The following ERBB4 variants were observed in gnomAD, a reference collection of about 807,000 sequenced individuals.
The protein encoded by ERBB4 is erb-b2 receptor tyrosine kinase 4.
Under a neutral mutation model 158.0 loss-of-function variants are expected in ERBB4, and 42 were observed. That is an observed-to-expected ratio of 0.27 (90% CI 0.21 to 0.34). The LOEUF (loss-of-function observed/expected upper bound fraction) is 0.34, where lower values mean the gene tolerates loss of function less well. Among genes scored for constraint, ERBB4 ranks in the 10% least tolerant of loss-of-function variants. The pLI, the probability that ERBB4 is intolerant of heterozygous loss-of-function variation, is 1.00. For synonymous variants in ERBB4, 583 were observed against 558.7 expected (o/e 1.04, Z -0.61); for missense variants, 1,333 against 1,624.1 (o/e 0.82, Z 3.08).
intron 3 of ERBB4, among the ~76,000 whole-genome samples, chr2:211,914,013 T>G (rs1346312198): frequency 6.8e-6 from 1 of 146,128 alleles, no homozygotes; most frequent in Non-Finnish European, 1.5e-5. Flanking sequence ...AGAAATAGAA[T>G]TTGAGAGCTG....
chr2:211,906,907 T>G (rs1457469665), intron 3 of ERBB4, among the ~76,000 whole-genome samples: 1 of 151,718 alleles, frequency 6.6e-6, no homozygotes, highest in Non-Finnish European at 1.5e-5. Context: ...TTAGCTTCTC[T>G]TGAAGTTTGG....
At chr2:211,444,075 T>C (rs955482977) in intron 20 of ERBB4, among the ~76,000 whole-genome samples, 3 of 152,094 alleles carry the variant, frequency 2.0e-5, no homozygotes, top group African/African-American at 7.2e-5. Context: ...TGGTTTAATT[T>C]CAGCACCCTT....
intron 25 of ERBB4, among the ~76,000 whole-genome samples, chr2:211,407,233 T>C (rs1054961142): frequency 6.6e-6 from 1 of 152,180 alleles, no homozygotes; most frequent in African/African-American, 2.4e-5. Flanking sequence ...TTTAATACAC[T>C]TATATGTAAT....
intron 20 of ERBB4, among the ~76,000 whole-genome samples, chr2:211,482,361 G>A (rs1381978879): frequency 6.6e-6 from 1 of 152,198 alleles, no homozygotes; most frequent in Non-Finnish European, 1.5e-5. Context: ...GAAGGGTCAT[G>A]CCTCAGTATT....
At chr2:212,273,070 G>A (rs1385536652) in intron 1 of ERBB4, among the ~76,000 whole-genome samples, 2 of 151,568 alleles carry the variant, frequency 1.3e-5, no homozygotes, top group African/African-American at 4.8e-5. Flanking sequence ...CCACTATTAC[G>A]ACTTTGAGTA....
At chr2:212,237,158 A>C (rs2139971) in intron 1 of ERBB4, among the ~76,000 whole-genome samples, 76,681 of 151,970 alleles carry the variant, frequency 0.5, 19,782 homozygotes, top group East Asian at 0.76. Flanking sequence ...AAGAAATATT[A>C]TCACTTTTGG....
intron 1 of ERBB4, among the ~76,000 whole-genome samples, chr2:212,158,957 C>G (rs780562277): frequency 2.0e-5 from 3 of 151,958 alleles, no homozygotes; most frequent in Non-Finnish European, 4.4e-5. Context: ...GACTATATCA[C>G]TATTTGATCA....
At chr2:211,589,204 A>G (rs530834535) in intron 19 of ERBB4, among the ~76,000 whole-genome samples, 58 of 152,206 alleles carry the variant, frequency 3.8e-4, no homozygotes, top group African/African-American at 1.3e-3. Context: ...CAAAATGTTC[A>G]TTTTTTTAGA....
chr2:211,377,822 A>C lies in ERBB4; in HGVS notation c.*5793T>G, dbSNP rs1298808300. 8.6e-6 allele frequency: 2 copies of C among 232,630 alleles called. No individual in the cohort carries two copies. Among genetic ancestry groups the C allele is most frequent in the Non-Finnish European group, 1.7e-5 (2 of 117,600 alleles). The allele number at this position is 232,630 out of a possible 1,614,324, so 14.4% of individuals were successfully genotyped here. A position where few individuals can be genotyped will look rare whatever the true frequency, so the allele number is the denominator to read the frequency against. The stretch of plus-strand genomic sequence containing the variant: ...ATATGTGAGTTTCAAGATTCATCAC[A>C]GGGCTAACTCGTCTCAAATTCCTAT... On this transcript the variant is annotated 3_prime_UTR_variant, in exon 28 of 28. Transcript: ENST00000342788.
In ERBB4 at chr2:211,420,374, C is replaced by G. The variant is rs1342840200; in HGVS notation, c.3135+67G>C. 3 of 1,124,528 alleles carry G rather than the reference C, an allele frequency of 2.7e-6. No individual in the cohort carries two copies. The Admixed American group carries it at 5.6e-5, about 21-fold the overall frequency. 69.7% of individuals were successfully genotyped at this position (1,124,528 alleles called of 1,614,324 possible). ...ATATAATTATTTTGAAATGTTAGTG[C>G]TTATGAACTATTACATGATTTTATA... On this transcript the variant is annotated intron_variant, in intron 25 of 27. Coordinates refer to ENST00000342788, the MANE Select transcript of ERBB4 (RefSeq NM_005235.3).
At chr2:211,472,847 T>C (rs927445467) in intron 20 of ERBB4, among the ~76,000 whole-genome samples, 5 of 151,942 alleles carry the variant, frequency 3.3e-5, no homozygotes, top group African/African-American at 9.7e-5. Context: ...TCAGAGCTCC[T>C]GGTTCAGTAG....
chr2:212,103,213 G>A (rs1372238595), intron 2 of ERBB4, among the ~76,000 whole-genome samples: 1 of 151,970 alleles, frequency 6.6e-6, no homozygotes, highest in Non-Finnish European at 1.5e-5. Flanking sequence ...CTTTTGCTTG[G>A]GGCATTTGTT....
At chr2:211,519,784 A>G (rs902044724) in intron 20 of ERBB4, among the ~76,000 whole-genome samples, 5 of 152,176 alleles carry the variant, frequency 3.3e-5, no homozygotes, top group African/African-American at 1.2e-4. Context: ...CACTGTAAAT[A>G]TTTTTATATG....
chr2:211,850,418 TG>T (rs1445325305), intron 3 of ERBB4, among the ~76,000 whole-genome samples: 1 of 151,664 alleles, frequency 6.6e-6, no homozygotes, highest in African/African-American at 2.4e-5. Context: ...AATATATATA[TG>T]TATACATATA....
chr2:211,393,757 G>A (rs997702003), intron 25 of ERBB4, among the ~76,000 whole-genome samples: 130 of 147,720 alleles, frequency 8.8e-4, no homozygotes, highest in African/African-American at 3.3e-3. Flanking sequence ...GTGTGTGTGT[G>A]TGTGTGTGTG....
chr2:212,420,314 T>C (rs1419541974), intron 1 of ERBB4, among the ~76,000 whole-genome samples: 1 of 152,086 alleles, frequency 6.6e-6, no homozygotes, highest in African/African-American at 2.4e-5. Context: ...AGAAATGATA[T>C]GCTATAGCCA....
intron 12 of ERBB4, among the ~76,000 whole-genome samples, chr2:211,689,663 A>C (rs79253641): frequency 0.011 from 1,677 of 152,336 alleles, 42 homozygotes; most frequent in African/African-American, 0.038. Context: ...AAGTTATAAA[A>C]GTAGCAAAGA....
intron 2 of ERBB4, among the ~76,000 whole-genome samples, chr2:211,956,601 G>A (rs777234849): frequency 6.6e-6 from 1 of 151,914 alleles, no homozygotes; most frequent in Non-Finnish European, 1.5e-5. Flanking sequence ...ATGCTCAAAA[G>A]TTGAATCAAC....
chr2:212,145,506 G>A (rs113287739), intron 1 of ERBB4, among the ~76,000 whole-genome samples: 9 of 152,230 alleles, frequency 5.9e-5, no homozygotes, highest in African/African-American at 1.9e-4. Context: ...GAGAAAGGGA[G>A]AAGGCAGTTG....
Sources: gnomAD v4.1 joint callset for allele counts (sites outside exome capture counted in the v4.1 genomes callset) on GRCh38, gnomAD v4.1.1 for gene constraint, MANE v1.5 for transcripts, NCBI Gene and HGNC (gene_info 2026-07-23, HGNC 2026-07-21) for gene names.